HOMER2: variants seen among roughly 807,000 people sequenced by gnomAD.
The protein encoded by HOMER2 is homer protein homolog 2.
In HOMER2, 27 loss-of-function variants were observed where a neutral mutation model predicts 47.0. That is an observed-to-expected ratio of 0.57 (90% confidence interval 0.42 to 0.79). The LOEUF (loss-of-function observed/expected upper bound fraction) is 0.79, where lower values mean the gene tolerates loss of function less well. Ranked by LOEUF, HOMER2 falls within the 30% of genes least tolerant of loss-of-function variation. The pLI is 0.00. For missense variants in HOMER2, 443 were observed against 435.0 expected, an observed-to-expected ratio of 1.02 and a Z score of -0.16; for synonymous variants, 161 against 163.8, an observed-to-expected ratio of 0.98 and a Z score of 0.13.
chr15:82,936,658 C>T (rs527437597), intron 1 of HOMER2, among the ~76,000 whole-genome samples: 1 of 152,254 alleles, frequency 6.6e-6, no homozygotes, highest in African/African-American at 2.4e-5. Context: ...CTGCAACCTC[C>T]GTCTCCCAGG....
chr15:82,851,464 G>A (rs916206856), intron 7 of HOMER2, among the ~76,000 whole-genome samples: 4 of 152,180 alleles, frequency 2.6e-5, no homozygotes, highest in African/African-American at 7.2e-5. Flanking sequence ...ATGTTTTTCC[G>A]ATTTCTGTTT....
chr15:82,924,697 G>C (rs1035459353), intron 1 of HOMER2, among the ~76,000 whole-genome samples: 1 of 152,188 alleles, frequency 6.6e-6, no homozygotes, highest in South Asian at 2.1e-4. Context: ...GGAGGTTCTA[G>C]TGCTTATTGA....
At chr15:82,967,919 C>T (rs1320460762) in intron 1 of HOMER2, among the ~76,000 whole-genome samples, 1 of 151,994 alleles carries the variant, frequency 6.6e-6, no homozygotes, top group Non-Finnish European at 1.5e-5. Context: ...CTCCACAAAG[C>T]AGAGATATCT....
chr15:82,836,636 GA>G (rs2051130312), downstream of HOMER2, among the ~76,000 whole-genome samples: 1 of 152,222 alleles, frequency 6.6e-6, no homozygotes. Context: ...TACAAAGGAG[GA>G]CTGGCATCTG....
Position 82,849,612 on chromosome 15 carries a change from G to A in HOMER2, c.*103C>T, listed in dbSNP as rs1418254747. On this transcript the variant is annotated 3_prime_UTR_variant, in exon 9 of 9. Coordinates refer to ENST00000450735, the MANE Select transcript of HOMER2 (RefSeq NM_004839.4). ...CTGGTTTGGAAACACGACAAACTGCGCCTGCATTTACAGAAGCAATGCACA... is the reference window on the plus strand; with the variant it reads ...CTGGTTTGGAAACACGACAAACTGCACCTGCATTTACAGAAGCAATGCACA... 2.8e-5 allele frequency: 27 copies of A among 965,576 alleles called. No individual in the cohort carries two copies. The East Asian group carries it at 4.8e-4, about 17-fold the overall frequency. The allele number at this position is 965,576 out of a possible 1,614,324, so 59.8% of individuals were successfully genotyped here.
At chr15:82,889,127 G>A (rs1015111960) in intron 2 of HOMER2, among the ~76,000 whole-genome samples, 6 of 152,172 alleles carry the variant, frequency 3.9e-5, no homozygotes, top group Middle Eastern at 3.2e-3. Context: ...AGTCACAGAG[G>A]TGCAGCCCAT....
At chr15:82,847,686 T>C (rs2051271971), downstream of HOMER2, among the ~76,000 whole-genome samples, 1 of 152,244 alleles carries the variant, frequency 6.6e-6, no homozygotes, top group South Asian at 2.1e-4. Flanking sequence ...TCTTTCTAGA[T>C]TCATAAGTCA....
At chr15:82,855,295 C>T (rs1167732742) in intron 5 of HOMER2, among the ~76,000 whole-genome samples, 6 of 126,552 alleles carry the variant, frequency 4.7e-5, no homozygotes, top group African/African-American at 1.9e-4. Context: ...CACTGCACTC[C>T]GGCCTGGCGA....
chr15:82,948,347 C>T (rs906753373), intron 1 of HOMER2, among the ~76,000 whole-genome samples: 16 of 144,202 alleles, frequency 1.1e-4, no homozygotes, highest in Admixed American at 4.9e-4. Context: ...GCCAAGATCG[C>T]GCCACTGCAC....
At chr15:82,933,411 A>C (rs1484550519) in intron 1 of HOMER2, among the ~76,000 whole-genome samples, 2 of 152,010 alleles carry the variant, frequency 1.3e-5, no homozygotes, top group African/African-American at 4.8e-5. Context: ...AGAAACAACA[A>C]CACAAAAAAT....
Position 82,875,361 on chromosome 15 carries a change from T to C in HOMER2, c.206A>G (p.Lys69Arg). 1.2e-6 allele frequency: 2 copies of C among 1,613,978 alleles called. No individual in the cohort carries two copies. The highest frequency in any genetic ancestry group is 1.7e-6 in the Non-Finnish European group (2 of 1,179,868). The change falls in exon 3 of 9, where the codon AAA (lysine) becomes AGA (arginine). Residue 69 changes from lysine (K) to arginine (R), a missense_variant. By Grantham distance (26) the Lys-to-Arg change is conservative (BLOSUM62 2). Transcript: ENST00000450735. Reference protein sequence around the residue: ...STITPNMTFTKTSQKFGQWAD... With the variant: ...STITPNMTFTRTSQKFGQWAD... ...CCACTGCCCAAACTTCTGTGACGTTTTGGTGAAGGTCATATTCGGTGTGAT... is the reference window on the plus strand; with the variant it reads ...CCACTGCCCAAACTTCTGTGACGTTCTGGTGAAGGTCATATTCGGTGTGAT...
chr15:82,838,063 A>T (rs930325268), exon 2 of HOMER2: 1 of 152,582 alleles, frequency 6.6e-6, no homozygotes, highest in Non-Finnish European at 1.5e-5. Context: ...ACACAGGGAG[A>T]GTGCACAGCA....
chr15:82,924,221 T>C (rs2151179926), intron 1 of HOMER2, among the ~76,000 whole-genome samples: 1 of 152,306 alleles, frequency 6.6e-6, no homozygotes, highest in East Asian at 1.9e-4. Flanking sequence ...GGTAACGGGT[T>C]AAGATCAATC....
At chr15:82,962,609 G>A (rs187499806) in intron 1 of HOMER2, among the ~76,000 whole-genome samples, 1 of 152,124 alleles carries the variant, frequency 6.6e-6, no homozygotes, top group Admixed American at 6.5e-5. Context: ...CCCGGGAGGT[G>A]GAGGTTGCAG....
At chr15:82,945,713 G>A (rs2054360977) in intron 1 of HOMER2, among the ~76,000 whole-genome samples, 2 of 152,118 alleles carry the variant, frequency 1.3e-5, no homozygotes, top group Admixed American at 6.5e-5. Context: ...GCTGACGCCT[G>A]TAATCCCAAC....
chr15:82,918,171 A>G (rs2036243221), intron 1 of HOMER2, among the ~76,000 whole-genome samples: 1 of 152,092 alleles, frequency 6.6e-6, no homozygotes, highest in Non-Finnish European at 1.5e-5. Flanking sequence ...TCAAAAATCT[A>G]ACGCTTGACC....
chr15:82,979,682 C>T (rs538169799), intron 1 of HOMER2, among the ~76,000 whole-genome samples: 2 of 152,190 alleles, frequency 1.3e-5, no homozygotes, highest in South Asian at 2.1e-4. Flanking sequence ...TAGGGAGACA[C>T]TGAGTATCTG....
At chr15:82,948,207 C>T (rs1003913134) in intron 1 of HOMER2, among the ~76,000 whole-genome samples, 4 of 151,724 alleles carry the variant, frequency 2.6e-5, no homozygotes, top group Non-Finnish European at 4.4e-5. Context: ...CTGGCTAACA[C>T]GATGAAACCC....
intron 4 of HOMER2, among the ~76,000 whole-genome samples, chr15:82,863,622 G>A (rs1216754232): frequency 3.9e-5 from 6 of 152,126 alleles, no homozygotes; most frequent in African/African-American, 1.4e-4. Flanking sequence ...TACTAATCTA[G>A]ACATCAGGAA....
Sources: allele counts gnomAD v4.1 joint callset (sites outside exome capture counted in the v4.1 genomes callset), GRCh38; gene constraint gnomAD v4.1.1; transcripts MANE v1.5; gene names NCBI Gene and HGNC (gene_info 2026-07-23, HGNC 2026-07-21).